The following UBR3 variants were observed in gnomAD, a reference collection of about 807,000 sequenced individuals.
The protein encoded by UBR3 is E3 ubiquitin-protein ligase UBR3.
In UBR3, 85 loss-of-function variants were observed where a neutral mutation model predicts 243.2. The ratio of observed to expected loss-of-function variants is 0.35; its 90% CI spans 0.29 to 0.42. The LOEUF is 0.42. UBR3 is among the 10% of genes least tolerant of loss of function. UBR3 has a pLI of 1.00. For missense variants in UBR3, 1,686 were observed against 2,300.8 expected (o/e 0.73, Z 5.47); for synonymous variants, 748 against 799.8 (o/e 0.94, Z 1.09).
chr2:169,896,430 A>T (rs2084595618), intron 7 of UBR3, 77 bp from the exon 8 acceptor site: 1 of 934,058 alleles, frequency 1.1e-6, no homozygotes, highest in Admixed American at 3.3e-5. Context: ...TAAAATGTTA[A>T]CATGATATAT....
At chr2:169,900,354 G>T (rs190694876) in intron 8 of UBR3, among the ~76,000 whole-genome samples, 3 of 152,044 alleles carry the variant, frequency 2.0e-5, no homozygotes, top group African/African-American at 7.2e-5. Flanking sequence ...TTTTTTTCTT[G>T]TAAATTTGTT....
chr2:169,990,079 A>T (rs1395208983), intron 25 of UBR3, among the ~76,000 whole-genome samples: 1 of 152,134 alleles, frequency 6.6e-6, no homozygotes, highest in Admixed American at 6.5e-5. Flanking sequence ...AGGTGTGCTT[A>T]TTGTTCTAGA....
chr2:169,875,224 T>C (rs974885106), intron 2 of UBR3, among the ~76,000 whole-genome samples: 14 of 152,208 alleles, frequency 9.2e-5, no homozygotes, highest in Non-Finnish European at 2.1e-4. Context: ...TGTTTTATTC[T>C]AGGATGTGAT....
At chr2:170,035,433 TG>T (rs754817221) in intron 31 of UBR3, among the ~76,000 whole-genome samples, 74 of 152,034 alleles carry the variant, frequency 4.9e-4, no homozygotes, top group Non-Finnish European at 8.7e-4. Context: ...TTTTTTCCAC[TG>T]TATTGCCTTT....
intron 2 of UBR3, 91 bp downstream of exon 2, chr2:169,872,466 A>G: frequency 1.1e-6 from 1 of 951,498 alleles, no homozygotes; most frequent in Non-Finnish European, 1.5e-6. Flanking sequence ...TTTTTTAGAT[A>G]TCTTTTTTTG....
chr2:169,933,122 A>G (rs2086201086), intron 19 of UBR3, 114 bp downstream of exon 19: 1 of 678,610 alleles, frequency 1.5e-6, no homozygotes, highest in Admixed American at 4.0e-5. Context: ...CATTCTTTAA[A>G]GGTGAAAATA....
chr2:169,891,637 C>A (rs983775036), intron 6 of UBR3, among the ~76,000 whole-genome samples: 1 of 151,774 alleles, frequency 6.6e-6, no homozygotes, highest in African/African-American at 2.4e-5. Flanking sequence ...CACACACACA[C>A]ACAGGGAATG....
Position 170,066,940 on chromosome 2 carries a change from G to A in UBR3, c.5019+5497G>A, listed in dbSNP as rs553346830. On this transcript the variant is annotated intron_variant, in intron 35 of 38. Coordinates refer to ENST00000272793, the MANE Select transcript of UBR3 (RefSeq NM_172070.4). ...GATCGCGCCACCGCACTCCAGCCTG[G>A]GCGACAGAGCGAGACTCCGTCTCTA... Among the ~76,000 whole-genome samples the A allele has an allele frequency of 9.3e-3, 1,068 of 115,038 alleles. 6 individuals are homozygous for A. The highest frequency in any genetic ancestry group is 0.027 in the African/African-American group (1,003 of 37,182). 75.5% of individuals were successfully genotyped at this position (115,038 alleles called of 152,430 possible). A position where few individuals can be genotyped will look rare whatever the true frequency, so the allele number is the denominator to read the frequency against.
chr2:170,079,565 T>C (rs1290050851), intron 36 of UBR3, among the ~76,000 whole-genome samples: 1 of 152,206 alleles, frequency 6.6e-6, no homozygotes, highest in African/African-American at 2.4e-5. Flanking sequence ...CAAGTTTAAA[T>C]GTTTTAAGGT....
intron 1 of UBR3, among the ~76,000 whole-genome samples, chr2:169,836,068 T>TATATATATATATATATA (rs1558999189): frequency 3.4e-5 from 1 of 29,736 alleles, no homozygotes; most frequent in African/African-American, 1.5e-4. Context: ...TATATATATA[T>TATATATATATATATATA]TTTTTTTTTT....
At chr2:169,861,561 C>T (rs1455021996) in intron 1 of UBR3, among the ~76,000 whole-genome samples, 7 of 149,138 alleles carry the variant, frequency 4.7e-5, no homozygotes, top group Non-Finnish European at 7.4e-5. Flanking sequence ...GAGCCGAGAT[C>T]GCGCCACTGC....
intron 32 of UBR3, among the ~76,000 whole-genome samples, chr2:170,052,215 T>C (rs755988442): frequency 2.0e-5 from 3 of 152,188 alleles, no homozygotes; most frequent in Non-Finnish European, 2.9e-5. Flanking sequence ...CATCTAAATA[T>C]TTCTCTAATA....
intron 24 of UBR3, among the ~76,000 whole-genome samples, chr2:169,960,182 C>T (rs1240428599): frequency 7.2e-6 from 1 of 138,310 alleles, no homozygotes; most frequent in Non-Finnish European, 1.5e-5. Flanking sequence ...AACCAGGAGA[C>T]AGGTTTCAGT....
intron 35 of UBR3, among the ~76,000 whole-genome samples, chr2:170,063,712 T>A (rs2091497633): frequency 6.6e-6 from 1 of 152,208 alleles, no homozygotes; most frequent in South Asian, 2.1e-4. Flanking sequence ...ATATTCATGC[T>A]GTCATCTTCC....
At chr2:169,832,913 A>G (rs2105276574) in intron 1 of UBR3, among the ~76,000 whole-genome samples, 1 of 152,208 alleles carries the variant, frequency 6.6e-6, no homozygotes. Flanking sequence ...AGCCTGGGCA[A>G]CAAGAGTGAA....
rs139339007 is a variant in UBR3, at chr2:169,851,268, G to GTGTGTGCC, written c.546-20967_546-20960dup. Among the ~76,000 whole-genome samples the GTGTGTGCC allele has an allele frequency of 8.5e-3, 1,292 of 152,260 alleles. 22 individuals are homozygous for GTGTGTGCC. The highest frequency in any genetic ancestry group is 0.029 in the African/African-American group (1,206 of 41,534). On this transcript the variant is annotated intron_variant, in intron 1 of 38. Coordinates refer to ENST00000272793, the MANE Select transcript of UBR3 (RefSeq NM_172070.4). The stretch of plus-strand genomic sequence containing the variant: ...GCCTCCTGAGTAGCTAGGAACACAG[G>GTGTGTGCC]TGTGTGCCACCATGTTTGGCTAATT...
intron 10 of UBR3, among the ~76,000 whole-genome samples, chr2:169,912,590 AT>A: frequency 6.6e-6 from 1 of 151,950 alleles, no homozygotes; most frequent in East Asian, 1.9e-4. Flanking sequence ...ACAACATTTC[AT>A]TTGTCCTTTA....
At chr2:169,950,971 A>G (rs1460441277) in intron 23 of UBR3, among the ~76,000 whole-genome samples, 2 of 152,186 alleles carry the variant, frequency 1.3e-5, no homozygotes, top group Non-Finnish European at 2.9e-5. Flanking sequence ...TTTCAGATCA[A>G]ATTCAAGATA....
At chr2:170,047,936 A>G (rs2091127917) in intron 32 of UBR3, among the ~76,000 whole-genome samples, 2 of 152,176 alleles carry the variant, frequency 1.3e-5, no homozygotes, top group South Asian at 2.1e-4. Context: ...CTTGTGTTCA[A>G]GTAACTCTTA....
Sources: gnomAD v4.1 joint callset for allele counts (sites outside exome capture counted in the v4.1 genomes callset) on GRCh38, gnomAD v4.1.1 for gene constraint, MANE v1.5 for transcripts, NCBI Gene and HGNC (gene_info 2026-07-23, HGNC 2026-07-21) for gene names.